GPD2: variants seen among roughly 807,000 people sequenced by gnomAD.
The protein encoded by GPD2 is glycerol-3-phosphate dehydrogenase, mitochondrial.
Under a neutral mutation model 82.4 loss-of-function variants are expected in GPD2, and 54 were observed. The observed-to-expected ratio is 0.66, with a 90% CI of 0.53 to 0.82. GPD2 has a LOEUF of 0.82. GPD2 is among the 40% of genes least tolerant of loss of function. The probability of loss-of-function intolerance (pLI) is 0.00; values close to 1 mark genes in which losing one functional copy is unlikely to be tolerated. For synonymous variants in GPD2, 288 were observed against 306.1 expected (o/e 0.94, Z 0.62); for missense variants, 748 against 896.2 (o/e 0.83, Z 2.11).
chr2:156,573,817 G>A (rs999969164), intron 13 of GPD2, among the ~76,000 whole-genome samples: 2 of 152,116 alleles, frequency 1.3e-5, no homozygotes, highest in Non-Finnish European at 2.9e-5. Context: ...AGAATTAAAA[G>A]GTTAGAAAGT....
chr2:156,497,169 T>G (rs297580), intron 3 of GPD2, among the ~76,000 whole-genome samples: 149,685 of 152,236 alleles, frequency 0.98, 73,644 homozygotes, highest in Middle Eastern at 1. Flanking sequence ...TATGTGTTGG[T>G]GGACGGGGGG....
intron 3 of GPD2, among the ~76,000 whole-genome samples, chr2:156,503,440 A>G (rs1375761609): frequency 1.3e-5 from 2 of 152,166 alleles, no homozygotes; most frequent in African/African-American, 4.8e-5. Context: ...CCTTTAAAAT[A>G]TATGCATATA....
At chr2:156,552,427 A>T (rs1290527284) in intron 8 of GPD2, among the ~76,000 whole-genome samples, 1 of 152,246 alleles carries the variant, frequency 6.6e-6, no homozygotes, top group Non-Finnish European at 1.5e-5. Flanking sequence ...ATGCAATTGT[A>T]TACGCTTTTG....
At chr2:156,582,703 C>T in intron 16 of GPD2, 90 bp from the exon 17 acceptor site, 1 of 1,386,272 alleles carries the variant, frequency 7.2e-7, no homozygotes. Flanking sequence ...TTAATTACCT[C>T]TGTCTGCTGC....
chr2:156,427,921 A>G, the GPD2 span, among the ~76,000 whole-genome samples: 1 of 152,132 alleles, frequency 6.6e-6, no homozygotes, highest in East Asian at 1.9e-4. Context: ...CATTACTCCA[A>G]TCTCTGTATT....
intron 9 of GPD2, 91 bp from the exon 10 acceptor site, chr2:156,568,734 C>A: frequency 8.9e-7 from 1 of 1,125,370 alleles, no homozygotes; most frequent in Non-Finnish European, 1.3e-6. Flanking sequence ...ATGTGTATTC[C>A]TGTCACCGAA....
chr2:156,408,153 C>A, the GPD2 span, among the ~76,000 whole-genome samples: 2 of 151,758 alleles, frequency 1.3e-5, no homozygotes, highest in Admixed American at 6.6e-5. Context: ...TGGGGTTTTG[C>A]TATGTTGCCC....
intron 6 of GPD2, among the ~76,000 whole-genome samples, chr2:156,546,503 G>C (rs1399512148): frequency 6.6e-6 from 1 of 152,102 alleles, no homozygotes; most frequent in African/African-American, 2.4e-5. Flanking sequence ...GGTATCTCAG[G>C]GTAAGGGGTA....
chr2:156,509,559 C>T (rs73965935), intron 3 of GPD2, among the ~76,000 whole-genome samples: 1,568 of 152,014 alleles, frequency 0.01, 23 homozygotes, highest in African/African-American at 0.035. Flanking sequence ...GGTCTTTTGG[C>T]GTATTGGCTT....
intron 3 of GPD2, among the ~76,000 whole-genome samples, chr2:156,506,649 C>T (rs555684268): frequency 2.2e-4 from 34 of 152,082 alleles, no homozygotes; most frequent in African/African-American, 8.0e-4. Context: ...TTATATCACC[C>T]TTCAATACCA....
At chr2:156,488,862 AT>A (rs1437230568) in intron 2 of GPD2, among the ~76,000 whole-genome samples, 4 of 152,206 alleles carry the variant, frequency 2.6e-5, no homozygotes, top group African/African-American at 9.7e-5. Context: ...GTTGAAAAAA[AT>A]CTACTTCTCC....
chr2:156,534,750 A>G (rs1393350067), intron 6 of GPD2, among the ~76,000 whole-genome samples: 1 of 152,136 alleles, frequency 6.6e-6, no homozygotes, highest in African/African-American at 2.4e-5. Flanking sequence ...AATACCATCT[A>G]TAAGTCAGCT....
intron 4 of GPD2, among the ~76,000 whole-genome samples, chr2:156,511,450 T>TA (rs986256448): frequency 2.0e-5 from 3 of 152,098 alleles, no homozygotes; most frequent in East Asian, 3.9e-4. Flanking sequence ...CCCAGAGGGG[T>TA]AAAAAAAATC....
chr2:156,519,735 G>A (rs1393333140), intron 6 of GPD2, among the ~76,000 whole-genome samples: 3 of 152,328 alleles, frequency 2.0e-5, no homozygotes, highest in East Asian at 1.9e-4. Flanking sequence ...GGTGTGGCTC[G>A]ATTACCTGGC....
intron 2 of GPD2, among the ~76,000 whole-genome samples, chr2:156,492,359 G>A (rs1312812038): frequency 4.6e-5 from 7 of 151,064 alleles, no homozygotes; most frequent in South Asian, 2.1e-4. Context: ...TGACACATTG[G>A]CCAGGCTGAT....
intron 3 of GPD2, among the ~76,000 whole-genome samples, chr2:156,509,781 T>TTTTTA: frequency 6.8e-6 from 1 of 146,608 alleles, no homozygotes; most frequent in South Asian, 2.2e-4. Flanking sequence ...TTTTTTTTTT[T>TTTTTA]TTTATTTCCT....
chr2:156,462,778 G>C (rs889078960), intron 1 of GPD2, among the ~76,000 whole-genome samples: 2 of 152,170 alleles, frequency 1.3e-5, no homozygotes, highest in South Asian at 2.1e-4. Context: ...TAAAATTCTA[G>C]TAAGTAGCTC....
chr2:156,427,059 T>C, the GPD2 span, among the ~76,000 whole-genome samples: 1 of 152,218 alleles, frequency 6.6e-6, no homozygotes, highest in Non-Finnish European at 1.5e-5. Flanking sequence ...TTCTAGAGCA[T>C]ATATGGCCCA....
intron 3 of GPD2, among the ~76,000 whole-genome samples, chr2:156,503,435 A>G (rs756937213): frequency 2.0e-5 from 3 of 152,162 alleles, no homozygotes; most frequent in Non-Finnish European, 2.9e-5. Context: ...TATGTCCTTT[A>G]AAATATATGC....
Sources: gnomAD v4.1 joint callset for allele counts (sites outside exome capture counted in the v4.1 genomes callset) on GRCh38, gnomAD v4.1.1 for gene constraint, MANE v1.5 for transcripts, NCBI Gene and HGNC (gene_info 2026-07-23, HGNC 2026-07-21) for gene names.